Variants in CNTN5 observed in about 807,000 individuals in gnomAD.
CNTN5 encodes contactin-5.
CNTN5 carries 77 observed loss-of-function variants against 129.1 expected under a neutral mutation model. That is an observed-to-expected ratio of 0.60 (90% CI 0.50 to 0.72). The LOEUF (loss-of-function observed/expected upper bound fraction) is 0.72, where lower values mean the gene tolerates loss of function less well. Among genes scored for constraint, CNTN5 ranks in the 30% least tolerant of loss-of-function variants. The pLI is 0.00. For synonymous variants in CNTN5, 509 were observed against 465.6 expected, an observed-to-expected ratio of 1.09 and a Z score of -1.20; for missense variants, 1,478 against 1,328.8, an observed-to-expected ratio of 1.11 and a Z score of -1.75.
intron 4 of CNTN5, among the ~76,000 whole-genome samples, chr11:99,837,358 C>T (rs1384689646): frequency 6.6e-6 from 1 of 152,140 alleles, no homozygotes; most frequent in East Asian, 1.9e-4. Flanking sequence ...GTATTCACAT[C>T]ACATTCTGCT....
chr11:99,090,283 T>C (rs983915600), intron 1 of CNTN5, among the ~76,000 whole-genome samples: 21 of 152,304 alleles, frequency 1.4e-4, no homozygotes, highest in African/African-American at 4.8e-4. Flanking sequence ...ACAAAGTAAG[T>C]AGATCAGCAG....
chr11:99,125,505 T>C (rs1254678731), intron 1 of CNTN5, among the ~76,000 whole-genome samples: 1 of 152,128 alleles, frequency 6.6e-6, no homozygotes, highest in African/African-American at 2.4e-5. Context: ...TCATACTGAA[T>C]GGGTAAAAGC....
At chr11:99,202,492 G>GA (rs902047248) in intron 1 of CNTN5, among the ~76,000 whole-genome samples, 2 of 152,058 alleles carry the variant, frequency 1.3e-5, no homozygotes, top group Non-Finnish European at 2.9e-5. Context: ...AGAAGTGCAG[G>GA]AAAAATACTA....
At chr11:99,970,049 G>C (rs1951207245) in intron 8 of CNTN5, among the ~76,000 whole-genome samples, 1 of 151,948 alleles carries the variant, frequency 6.6e-6, no homozygotes. Context: ...AACATTTCTG[G>C]GTCAATTAGA....
intron 9 of CNTN5, among the ~76,000 whole-genome samples, chr11:100,037,976 G>T (rs1942129454): frequency 1.3e-5 from 2 of 151,992 alleles, no homozygotes; most frequent in African/African-American, 4.8e-5. Flanking sequence ...CTTCAGTTCT[G>T]CTCTGATCTT....
chr11:100,091,424 CTTTTTTTT>C lies in CNTN5; in HGVS notation c.1580+17145_1580+17152del, dbSNP rs60075209. Among the ~76,000 whole-genome samples, 770 of 114,418 alleles carry C rather than the reference CTTTTTTTT, an allele frequency of 6.7e-3. 11 individuals are homozygous for C. Among genetic ancestry groups the C allele is most frequent in the East Asian group, 0.024 (100 of 4,202 alleles). 75.1% of individuals were successfully genotyped at this position (114,418 alleles called of 152,430 possible). ...CTTTTTGGTTTATTTTTTATTTATT[CTTTTTTTT>C]TTTTTTTTTTTTTTGAGACAGAGTC... On this transcript the variant is annotated intron_variant, in intron 13 of 24. Coordinates refer to ENST00000524871, the MANE Select transcript of CNTN5 (RefSeq NM_014361.4).
chr11:99,841,752 G>A (rs1947500143), intron 4 of CNTN5, among the ~76,000 whole-genome samples: 1 of 144,466 alleles, frequency 6.9e-6, no homozygotes, highest in African/African-American at 2.6e-5. Context: ...GAATTCAATA[G>A]CCTTAGATTT....
intron 13 of CNTN5, among the ~76,000 whole-genome samples, chr11:100,159,604 A>G (rs1434529476): frequency 1.3e-5 from 2 of 151,954 alleles, no homozygotes; most frequent in Non-Finnish European, 2.9e-5. Context: ...ACCCTAAGAA[A>G]TAGACATTAT....
At chr11:99,944,047 G>T in intron 7 of CNTN5, among the ~76,000 whole-genome samples, 1 of 93,528 alleles carries the variant, frequency 1.1e-5, no homozygotes, top group East Asian at 2.7e-4. Context: ...AAAATTTAAA[G>T]TAGTTTTTTT....
At chr11:100,043,579 C>T (rs757287912) in intron 9 of CNTN5, among the ~76,000 whole-genome samples, 5 of 152,168 alleles carry the variant, frequency 3.3e-5, no homozygotes, top group African/African-American at 7.2e-5. Context: ...ATCCTGCATG[C>T]TTTAGCATAC....
At chr11:99,392,134 C>T (rs550906632) in intron 2 of CNTN5, among the ~76,000 whole-genome samples, 19 of 151,452 alleles carry the variant, frequency 1.3e-4, no homozygotes, top group African/African-American at 3.6e-4. Flanking sequence ...AAGATATTTG[C>T]GTGACTATTT....
At chr11:99,626,512 A>C (rs1457108170) in intron 3 of CNTN5, among the ~76,000 whole-genome samples, 2 of 152,118 alleles carry the variant, frequency 1.3e-5, no homozygotes, top group Non-Finnish European at 2.9e-5. Flanking sequence ...AGTCCAGTGC[A>C]AATGTTGCCC....
intron 3 of CNTN5, among the ~76,000 whole-genome samples, chr11:99,640,585 C>A (rs991730328): frequency 6.6e-5 from 10 of 152,186 alleles, no homozygotes; most frequent in African/African-American, 2.4e-4. Flanking sequence ...ACAGCCAAAT[C>A]ATGTCAATTA....
intron 3 of CNTN5, among the ~76,000 whole-genome samples, chr11:99,771,475 G>A (rs897394906): frequency 1.3e-5 from 2 of 151,882 alleles, no homozygotes; most frequent in African/African-American, 4.8e-5. Context: ...GCCATAACAA[G>A]CAAGAAATTC....
At chr11:99,259,248 C>T (rs568734766) in intron 1 of CNTN5, among the ~76,000 whole-genome samples, 32 of 151,592 alleles carry the variant, frequency 2.1e-4, no homozygotes, top group Non-Finnish European at 3.7e-4. Context: ...TTTTTGTATA[C>T]TCCCCCTCTT....
chr11:99,443,722 T>G (rs982939842), intron 2 of CNTN5, among the ~76,000 whole-genome samples: 20 of 152,266 alleles, frequency 1.3e-4, no homozygotes, highest in Middle Eastern at 3.4e-3. Context: ...TCAGGTGGTT[T>G]TCTAGGAAGT....
intron 2 of CNTN5, among the ~76,000 whole-genome samples, chr11:99,469,799 C>A (rs996015497): frequency 1.3e-5 from 2 of 151,852 alleles, no homozygotes; most frequent in Non-Finnish European, 2.9e-5. Flanking sequence ...TACCTTTAAG[C>A]AAATCTCAAA....
intron 6 of CNTN5, among the ~76,000 whole-genome samples, chr11:99,885,846 G>T (rs1282397228): frequency 6.6e-6 from 1 of 152,090 alleles, no homozygotes; most frequent in African/African-American, 2.4e-5. Flanking sequence ...AATTGAAAAT[G>T]TTGCAAAAAG....
intron 2 of CNTN5, among the ~76,000 whole-genome samples, chr11:99,495,035 A>AT (rs1187077459): frequency 6.6e-6 from 1 of 152,180 alleles, no homozygotes; most frequent in Non-Finnish European, 1.5e-5. Context: ...GGGTCTTAAT[A>AT]TTTTTAAATT....
Sources: gnomAD v4.1 joint callset for allele counts (sites outside exome capture counted in the v4.1 genomes callset) on GRCh38, gnomAD v4.1.1 for gene constraint, MANE v1.5 for transcripts, NCBI Gene and HGNC (gene_info 2026-07-23, HGNC 2026-07-21) for gene names.